RAB3GAP2: variants seen among roughly 807,000 people sequenced by gnomAD.
RAB3GAP2 encodes rab3 GTPase-activating protein non-catalytic subunit.
RAB3GAP2 carries 87 observed loss-of-function variants against 185.3 expected under a neutral mutation model. The ratio of observed to expected loss-of-function variants is 0.47; its 90% CI spans 0.39 to 0.56. The LOEUF (loss-of-function observed/expected upper bound fraction) is 0.56. Among genes scored for constraint, RAB3GAP2 ranks in the 20% least tolerant of loss-of-function variants. RAB3GAP2 has a pLI of 0.00. For synonymous variants in RAB3GAP2, 554 were observed against 576.1 expected (o/e 0.96, Z 0.55); for missense variants, 1,492 against 1,638.2 (o/e 0.91, Z 1.54).
At position 220,253,575 on chromosome 1, in the gene RAB3GAP2, G is replaced by A. The variant is rs183940261; in HGVS notation, c.115+18648C>T. On this transcript the variant is annotated intron_variant, in intron 1 of 34. Coordinates refer to ENST00000358951, the MANE Select transcript of RAB3GAP2 (RefSeq NM_012414.4). ...AGGCGGCAAATCACTTATAAATGGC[G>A]CGGAAGCAGGACCCGAAGCCTAAAT... is the stretch of plus-strand genomic sequence containing the variant. 1,807 of 1,582,952 alleles carry A rather than the reference G, an allele frequency of 1.1e-3. 19 individuals are homozygous for A. In the African/African-American group the frequency reaches 0.02, roughly 17 times the overall value.
chr1:220,179,299 A>C (rs1158302921), intron 21 of RAB3GAP2, among the ~76,000 whole-genome samples: 1 of 151,922 alleles, frequency 6.6e-6, no homozygotes, highest in Non-Finnish European at 1.5e-5. Flanking sequence ...ACAATGAAAA[A>C]AGAGTCAATT....
chr1:220,193,259 A>C lies in RAB3GAP2; in HGVS notation c.1251T>G (p.Ile417Met). The C allele has an allele frequency of 6.2e-7, 1 of 1,614,022 alleles. No homozygotes were observed. Among genetic ancestry groups the C allele is most frequent in the Non-Finnish European group, 8.5e-7 (1 of 1,179,946 alleles). Residue 417 changes from isoleucine to methionine, a missense_variant, in exon 13 of 35, where the codon ATT (isoleucine) becomes ATG (methionine). Physicochemically the swap from Ile to Met is conservative, Grantham distance 10. This residue lies in a region of RAB3GAP2 where 681 missense variants were observed against 689.1 expected (regional missense o/e 0.99). Coordinates refer to ENST00000358951, the MANE Select transcript of RAB3GAP2 (RefSeq NM_012414.4). Reference sequence around the variant, plus strand: ...AAGTACCTTTCCACATGCGTATTGCAATTCCTCTAGCTACATCCAATAAAA... The same window carrying C: ...AAGTACCTTTCCACATGCGTATTGCCATTCCTCTAGCTACATCCAATAAAA... The part of the protein sequence containing the change: ...RVILLDVARG[I>M]AIRMWKGYRD...
In RAB3GAP2 at chr1:220,211,022, C is replaced by T. The variant is rs372197371; in HGVS notation, c.387-20G>A. 4 of 1,608,980 alleles carry T rather than the reference C, an allele frequency of 2.5e-6. No individual in the cohort carries two copies. The highest frequency in any genetic ancestry group is 3.4e-6 in the Non-Finnish European group (4 of 1,177,084). On this transcript the variant is annotated intron_variant, in intron 4 of 34. Transcript: ENST00000358951. ...CATTCCCTAAAAACAAAAACAAAAT[C>T]ATATGCTTACCCACTGAACTTACCA...
intron 17 of RAB3GAP2, among the ~76,000 whole-genome samples, chr1:220,188,835 TTGTATGGCATAGTAAA>T (rs1169644311): frequency 6.6e-6 from 1 of 152,174 alleles, no homozygotes; most frequent in African/African-American, 2.4e-5. Flanking sequence ...TGAGCAGAAT[TTGTATGGCATAGTAAA>T]TGAATCAATT....
At chr1:220,196,504 C>T (rs1658727280) in intron 9 of RAB3GAP2, 106 bp from the exon 10 acceptor site, 2 of 1,158,806 alleles carry the variant, frequency 1.7e-6, no homozygotes, top group Non-Finnish European at 2.5e-6. Context: ...TATTTAATAA[C>T]CAAAAGTCAT....
intron 1 of RAB3GAP2, among the ~76,000 whole-genome samples, chr1:220,248,003 A>G (rs1659850968): frequency 6.6e-6 from 1 of 151,456 alleles, no homozygotes; most frequent in Non-Finnish European, 1.5e-5. Context: ...ATAAAATAAT[A>G]AATTTTAAAT....
rs71169437 is a variant in RAB3GAP2, at chr1:220,179,244, CAAAAAAAA to C, written c.2310+3005_2310+3012del. Among the ~76,000 whole-genome samples the C allele has an allele frequency of 6.3e-3, 356 of 56,826 alleles. 2 individuals are homozygous for C. Among genetic ancestry groups the C allele is most frequent in the Middle Eastern group, 0.04 (2 of 50 alleles). 37.3% of individuals were successfully genotyped at this position (56,826 alleles called of 152,430 possible). ...CGCCTGGGCGACAGTGAGACTGTCT[CAAAAAAAA>C]AAAAAAAAAAAAAAAGAAGACAAAG... On this transcript the variant is annotated intron_variant, in intron 21 of 34. Coordinates refer to ENST00000358951, the MANE Select transcript of RAB3GAP2 (RefSeq NM_012414.4).
At chr1:220,271,978 A>C (rs967726603) in intron 1 of RAB3GAP2, among the ~76,000 whole-genome samples, 60 of 151,906 alleles carry the variant, frequency 3.9e-4, no homozygotes, top group African/African-American at 1.4e-3. Flanking sequence ...AGAGGAAACA[A>C]GACGCAGTTT....
chr1:220,197,580 A>C (rs1658753626), intron 9 of RAB3GAP2, among the ~76,000 whole-genome samples: 1 of 152,192 alleles, frequency 6.6e-6, no homozygotes, highest in Non-Finnish European at 1.5e-5. Flanking sequence ...TCAGTATACA[A>C]AATGTTTTCA....
rs753370637 is a variant in RAB3GAP2, at chr1:220,159,440, A to G, written c.3226-19T>C. 1.3e-6 allele frequency: 2 copies of G among 1,543,188 alleles called. No homozygotes were observed. The highest frequency in any genetic ancestry group is 2.3e-5 in the South Asian group (2 of 88,048). ...TTCCAACCTAAAATAAAAAGATAAA[A>G]TGTTGTAACATTTAATAATTTAAAT... On this transcript the variant is annotated intron_variant, in intron 28 of 34. Transcript: ENST00000358951.
intron 21 of RAB3GAP2, among the ~76,000 whole-genome samples, chr1:220,178,549 G>A (rs936207094): frequency 1.3e-5 from 2 of 152,122 alleles, no homozygotes; most frequent in African/African-American, 4.8e-5. Flanking sequence ...TGGTTTTGCT[G>A]TTTTGTGATC....
At chr1:220,243,053 T>C (rs193081401) in intron 1 of RAB3GAP2, among the ~76,000 whole-genome samples, 7 of 152,232 alleles carry the variant, frequency 4.6e-5, no homozygotes, top group African/African-American at 1.7e-4. Flanking sequence ...CCTTTATTTT[T>C]TTAAAAAAAA....
Position 220,191,687 on chromosome 1 carries a change from G to A in RAB3GAP2, c.1271-403C>T, listed in dbSNP as rs140377834. On this transcript the variant is annotated intron_variant, in intron 13 of 34. Transcript: ENST00000358951. ...CAAAAAATTAGCTAGGCATGGCGGC[G>A]CATGCCTGTAATCCCAGCTACTTGG... 7.6e-3 allele frequency among the ~76,000 whole-genome samples: 1,154 copies of A among 152,032 alleles called. 13 individuals carry two copies. The highest frequency in any genetic ancestry group is 0.025 in the African/African-American group (1,040 of 41,458).
At chr1:220,226,237 T>C (rs1306461074) in intron 2 of RAB3GAP2, among the ~76,000 whole-genome samples, 1 of 152,156 alleles carries the variant, frequency 6.6e-6, no homozygotes, top group Non-Finnish European at 1.5e-5. Context: ...CTTCCTACCA[T>C]TGGCCTTAAT....
chr1:220,152,152 T>C (rs1455644384), intron 33 of RAB3GAP2, among the ~76,000 whole-genome samples: 2 of 152,222 alleles, frequency 1.3e-5, no homozygotes, highest in Non-Finnish European at 2.9e-5. Flanking sequence ...CTCAGCTTAC[T>C]GCAGCCTCCA....
chr1:220,154,386 C>T, intron 31 of RAB3GAP2: 1 of 275,572 alleles, frequency 3.6e-6, no homozygotes, highest in Non-Finnish European at 7.0e-6. Context: ...GCTTCTTCTG[C>T]CTTGAGGCAC....
intron 7 of RAB3GAP2, among the ~76,000 whole-genome samples, chr1:220,209,062 T>C (rs1293973862): frequency 6.6e-6 from 1 of 152,148 alleles, no homozygotes; most frequent in East Asian, 1.9e-4. Flanking sequence ...CCATACACCA[T>C]ATTAGTCCTG....
chr1:220,214,530 A>G (rs970026606), intron 2 of RAB3GAP2, among the ~76,000 whole-genome samples: 2 of 145,604 alleles, frequency 1.4e-5, no homozygotes, highest in African/African-American at 5.1e-5. Context: ...TGTCTCAGGG[A>G]AAAAAAAAAA....
chr1:220,210,656 C>T (rs970508794), intron 6 of RAB3GAP2, 145 bp downstream of exon 6: 10 of 1,008,252 alleles, frequency 9.9e-6, no homozygotes, highest in African/African-American at 8.0e-5. Context: ...GAACTTGCCA[C>T]GGCCTATCCC....
Sources: gnomAD v4.1 joint callset for allele counts (sites outside exome capture counted in the v4.1 genomes callset) on GRCh38, gnomAD v4.1.1 for gene constraint, gnomAD v4.1.1 regional missense constraint, MANE v1.5 for transcripts, NCBI Gene and HGNC (gene_info 2026-07-23, HGNC 2026-07-21) for gene names.